Variants in CSMD1 observed in about 807,000 individuals in gnomAD.
CSMD1 encodes CUB and sushi domain-containing protein 1.
A neutral mutation model predicts 417.5 loss-of-function variants in CSMD1; 213 were observed. That is an observed-to-expected ratio of 0.51 (90% CI 0.46 to 0.57). CSMD1 has a LOEUF of 0.57. CSMD1 is among the 20% of genes least tolerant of loss of function. The pLI, the probability that CSMD1 is intolerant of heterozygous loss-of-function variation, is 0.00. For missense variants in CSMD1, 6,923 were observed against 4,529.7 expected (o/e 1.53, Z -15.17); for synonymous variants, 2,862 against 1,736.8 (o/e 1.65, Z -16.11).
At chr8:4,080,831 AG>A in intron 3 of CSMD1, among the ~76,000 whole-genome samples, 1 of 152,288 alleles carries the variant, frequency 6.6e-6, no homozygotes, top group Middle Eastern at 3.4e-3. Context: ...AATTCAATAA[AG>A]GTATTGCTAT....
rs140197727 is a variant in CSMD1, at chr8:2,954,868, C to T, written c.9995-600G>A. Among the ~76,000 whole-genome samples the T allele has an allele frequency of 9.3e-3, 1,412 of 152,268 alleles. 9 individuals carry two copies. Among genetic ancestry groups the T allele is most frequent in the Middle Eastern group, 0.017 (5 of 294 alleles). On this transcript the variant is annotated intron_variant, in intron 64 of 69. Coordinates refer to ENST00000635120, the MANE Select transcript of CSMD1 (RefSeq NM_033225.6). The stretch of plus-strand genomic sequence containing the variant: ...GGAAACAAAAGTCTCTTTAAAATCC[C>T]TAATATGAGAACTATAAATAGGCTC...
At chr8:4,755,787 G>T (rs146184381) in intron 1 of CSMD1, among the ~76,000 whole-genome samples, 90 of 152,156 alleles carry the variant, frequency 5.9e-4, no homozygotes, top group Non-Finnish European at 1.0e-3. Context: ...CTTCATGAAC[G>T]CTATTTTTTC....
At chr8:3,276,332 A>C (rs201939008) in intron 26 of CSMD1, among the ~76,000 whole-genome samples, 2 of 152,218 alleles carry the variant, frequency 1.3e-5, no homozygotes, top group African/African-American at 2.4e-5. Context: ...CAAAGCTCAG[A>C]TGGAAATGCA....
At chr8:3,880,155 G>A (rs1806115142) in intron 5 of CSMD1, among the ~76,000 whole-genome samples, 1 of 152,086 alleles carries the variant, frequency 6.6e-6, no homozygotes, top group East Asian at 1.9e-4. Context: ...CTTCGACCAT[G>A]GTACAGAGGA....
At chr8:4,499,425 C>T (rs1563234956) in intron 2 of CSMD1, among the ~76,000 whole-genome samples, 1 of 152,204 alleles carries the variant, frequency 6.6e-6, no homozygotes, top group Non-Finnish European at 1.5e-5. Context: ...GGCATGCACA[C>T]ATCTGACAGA....
At chr8:4,333,594 CTGT>C (rs1489826240) in intron 3 of CSMD1, among the ~76,000 whole-genome samples, 2 of 152,132 alleles carry the variant, frequency 1.3e-5, no homozygotes, top group African/African-American at 2.4e-5. Context: ...ATTACTCTTG[CTGT>C]TGTTACTGAT....
At chr8:4,239,961 A>C (rs1802291833) in intron 3 of CSMD1, among the ~76,000 whole-genome samples, 1 of 152,246 alleles carries the variant, frequency 6.6e-6, no homozygotes, top group Admixed American at 6.5e-5. Context: ...TTTTAAATCC[A>C]AACCTCTTTT....
chr8:3,359,082 C>T (rs780974408), intron 21 of CSMD1, 70 bp downstream of exon 21: 4 of 1,507,514 alleles, frequency 2.7e-6, no homozygotes, highest in African/African-American at 2.7e-5. Context: ...ACCCCGACCA[C>T]CCTAGGCTTC....
intron 1 of CSMD1, among the ~76,000 whole-genome samples, chr8:4,731,388 C>G (rs987954204): frequency 6.6e-6 from 1 of 152,124 alleles, no homozygotes; most frequent in East Asian, 1.9e-4. Context: ...CATTCCCCCA[C>G]CTGTGCAAGT....
At chr8:4,005,272 A>G (rs1166273992) in intron 4 of CSMD1, among the ~76,000 whole-genome samples, 3 of 152,202 alleles carry the variant, frequency 2.0e-5, no homozygotes, top group African/African-American at 7.2e-5. Flanking sequence ...TCTACACCCC[A>G]ATAACTTATA....
chr8:3,915,850 A>G (rs1275146122), intron 5 of CSMD1, among the ~76,000 whole-genome samples: 2 of 148,618 alleles, frequency 1.3e-5, no homozygotes, highest in Middle Eastern at 3.4e-3. Context: ...TATCACCCCA[A>G]CTAGAAACTT....
intron 12 of CSMD1, among the ~76,000 whole-genome samples, chr8:3,433,746 T>C (rs1336401672): frequency 6.6e-6 from 1 of 152,172 alleles, no homozygotes; most frequent in African/African-American, 2.4e-5. Context: ...AATTCAGGCT[T>C]GTGTTGACTT....
At chr8:3,414,149 A>G (rs1278479596) in intron 12 of CSMD1, among the ~76,000 whole-genome samples, 1 of 149,730 alleles carries the variant, frequency 6.7e-6, no homozygotes, top group Non-Finnish European at 1.5e-5. Flanking sequence ...AGAAAAGAAA[A>G]AAAAAAAAAA....
At chr8:4,582,007 C>G (rs2617070) in intron 2 of CSMD1, among the ~76,000 whole-genome samples, 97,332 of 151,954 alleles carry the variant, frequency 0.64, 32,564 homozygotes, top group African/African-American at 0.86. Flanking sequence ...CAGTAGCCTA[C>G]GATGATGAAA....
intron 8 of CSMD1, among the ~76,000 whole-genome samples, chr8:3,589,218 T>C (rs927295337): frequency 1.3e-5 from 2 of 152,138 alleles, no homozygotes; most frequent in African/African-American, 2.4e-5. Context: ...TACTACATGA[T>C]CTAGAATTTC....
intron 7 of CSMD1, among the ~76,000 whole-genome samples, chr8:3,673,926 T>C (rs923570737): frequency 3.9e-5 from 6 of 152,216 alleles, no homozygotes; most frequent in African/African-American, 1.4e-4. Context: ...CAGACGAGCC[T>C]GGGCAACATG....
intron 7 of CSMD1, among the ~76,000 whole-genome samples, chr8:3,658,966 G>C (rs1422135149): frequency 6.6e-6 from 1 of 152,038 alleles, no homozygotes; most frequent in Non-Finnish European, 1.5e-5. Flanking sequence ...CATATGCTAG[G>C]AATGACCTAA....
intron 1 of CSMD1, among the ~76,000 whole-genome samples, chr8:4,881,440 T>TATC (rs1483442335): frequency 4.3e-5 from 2 of 46,704 alleles, no homozygotes; most frequent in African/African-American, 8.5e-5. Flanking sequence ...TCTATCTATC[T>TATC]ATCTATCTAT....
chr8:4,929,048 G>C (rs890717684), intron 1 of CSMD1, among the ~76,000 whole-genome samples: 5 of 152,058 alleles, frequency 3.3e-5, no homozygotes. Flanking sequence ...TCCAGCCTGG[G>C]GTGACAAAGT....
Sources: gnomAD v4.1 joint callset for allele counts (sites outside exome capture counted in the v4.1 genomes callset) on GRCh38, gnomAD v4.1.1 for gene constraint, MANE v1.5 for transcripts, NCBI Gene and HGNC (gene_info 2026-07-23, HGNC 2026-07-21) for gene names.